Variants in EPB41 observed in about 807,000 individuals in gnomAD.
The protein encoded by EPB41 is protein 4.1.
A neutral mutation model predicts 108.0 loss-of-function variants in EPB41; 65 were observed. The ratio of observed to expected loss-of-function variants is 0.60; its 90% CI spans 0.49 to 0.74. EPB41 has a LOEUF of 0.74. Among genes scored for constraint, EPB41 ranks in the 30% least tolerant of loss-of-function variants. The probability of loss-of-function intolerance (pLI) is 0.00; values close to 1 mark genes in which losing one functional copy is unlikely to be tolerated. For synonymous variants in EPB41, 336 were observed against 358.9 expected, an observed-to-expected ratio of 0.94 and a Z score of 0.72; for missense variants, 875 against 1,037.0, an observed-to-expected ratio of 0.84 and a Z score of 2.15.
chr1:29,048,376 G>A (rs551774025), intron 11 of EPB41, among the ~76,000 whole-genome samples: 78 of 151,966 alleles, frequency 5.1e-4, no homozygotes, highest in African/African-American at 1.7e-3. Context: ...CACCACGCCC[G>A]GCTAATTTTG....
In EPB41 at chr1:29,069,460, T is replaced by C. The variant is rs184234527; in HGVS notation, c.2184+4302T>C. On this transcript the variant is annotated intron_variant, in intron 16 of 20. Transcript: ENST00000343067. The stretch of plus-strand genomic sequence containing the variant: ...GATGGTCATTATTATTTATTTGTTT[T>C]GGTGAACCTTGGAGGGACATTATAA... The C allele has an allele frequency of 9.9e-5, 121 of 1,217,520 alleles. No homozygotes were observed. The East Asian group carries it at 3.4e-3, about 34-fold the overall frequency. The allele number at this position is 1,217,520 out of a possible 1,614,324, so 75.4% of individuals were successfully genotyped here.
intron 17 of EPB41, among the ~76,000 whole-genome samples, chr1:29,104,913 G>C (rs371574085): frequency 6.6e-6 from 1 of 151,144 alleles, no homozygotes; most frequent in Non-Finnish European, 1.5e-5. Flanking sequence ...TTGTACACAC[G>C]GGACTCACTT....
At position 29,039,240 on chromosome 1, in the gene EPB41, G is replaced by A. The variant is rs1296017712; in HGVS notation, c.1464-14G>A. ...GAATATATAATAATATGACTATTACGATTTTCCCCCCAGATTGACATCTAC... is the reference window on the plus strand; with the variant it reads ...GAATATATAATAATATGACTATTACAATTTTCCCCCCAGATTGACATCTAC... On this transcript the variant is annotated splice_polypyrimidine_tract_variant and intron_variant, in intron 10 of 20. Transcript: ENST00000343067. 7 of 1,612,176 alleles carry A rather than the reference G, an allele frequency of 4.3e-6. No individual in the cohort carries two copies. Among genetic ancestry groups the A allele is most frequent in the African/African-American group, 2.7e-5 (2 of 74,778 alleles).
chr1:28,918,790 A>G (rs1192993858), intron 1 of EPB41, among the ~76,000 whole-genome samples: 1 of 152,196 alleles, frequency 6.6e-6, no homozygotes, highest in Non-Finnish European at 1.5e-5. Context: ...GCTTGATTGC[A>G]TTTATCATAG....
At chr1:29,067,664 TAA>T (rs11398608) in intron 16 of EPB41, among the ~76,000 whole-genome samples, 1 of 134,438 alleles carries the variant, frequency 7.4e-6, no homozygotes, top group Non-Finnish European at 1.6e-5. Context: ...GACTCCGTCT[TAA>T]AAAAAAAAAA....
intron 1 of EPB41, among the ~76,000 whole-genome samples, chr1:28,965,212 T>C (rs2095329032): frequency 6.6e-6 from 1 of 152,182 alleles, no homozygotes; most frequent in Non-Finnish European, 1.5e-5. Flanking sequence ...ACTTTAATTA[T>C]CATCTTCCTC....
intron 1 of EPB41, among the ~76,000 whole-genome samples, chr1:28,982,999 C>T (rs986623088): frequency 6.6e-6 from 1 of 151,828 alleles, no homozygotes; most frequent in Non-Finnish European, 1.5e-5. Context: ...AGGATTATGC[C>T]ATTGAGGACT....
Position 28,894,565 on chromosome 1 carries a change from G to T in EPB41, c.-8+7355G>T, listed in dbSNP as rs561876560. 1.8e-3 allele frequency among the ~76,000 whole-genome samples: 277 copies of T among 152,192 alleles called. 1 individual carries two copies. Among genetic ancestry groups the T allele is most frequent in the African/African-American group, 6.2e-3 (259 of 41,528 alleles). ...CCTGGCAACTGGACTTCCTGGAGAGGGAGTGACAGAGCCTCTAGTTTTCAT... is the reference window on the plus strand; with the variant it reads ...CCTGGCAACTGGACTTCCTGGAGAGTGAGTGACAGAGCCTCTAGTTTTCAT... On this transcript the variant is annotated intron_variant, in intron 1 of 16. Transcript: ENST00000347529.
rs144019135 is a variant in EPB41 at position 29,089,654 on chromosome 1, T to C, written c.2185-8153T>C. Among the ~76,000 whole-genome samples, 13 of 152,238 alleles carry C rather than the reference T, an allele frequency of 8.5e-5. No homozygotes were observed. The East Asian group carries it at 2.3e-3, about 27-fold the overall frequency. On this transcript the variant is annotated intron_variant, in intron 16 of 20. Coordinates refer to ENST00000343067, the MANE Select transcript of EPB41 (RefSeq NM_001376013.1). ...AAGATTTACAAAGGCACAGAGATAA[T>C]AGAAAGATGCTCTGTCCTAGGGAAT...
intron 10 of EPB41, among the ~76,000 whole-genome samples, chr1:29,037,224 G>A (rs1639824938): frequency 6.6e-6 from 1 of 152,142 alleles, no homozygotes; most frequent in African/African-American, 2.4e-5. Flanking sequence ...TGGGATTACA[G>A]ATGCCCAACA....
chr1:28,931,755 C>T (rs1174277636), intron 1 of EPB41, among the ~76,000 whole-genome samples: 1 of 151,766 alleles, frequency 6.6e-6, no homozygotes, highest in African/African-American at 2.4e-5. Flanking sequence ...AGGATGGTCT[C>T]GATCTCCTGA....
intron 1 of EPB41, among the ~76,000 whole-genome samples, chr1:28,943,130 G>A (rs766653415): frequency 7.2e-5 from 11 of 151,962 alleles, no homozygotes; most frequent in Admixed American, 5.2e-4. Context: ...CCAGGAGTGT[G>A]GGTTTCAACT....
chr1:28,913,911 G>C (rs1321300320), upstream of EPB41, among the ~76,000 whole-genome samples: 1 of 152,150 alleles, frequency 6.6e-6, no homozygotes, highest in Non-Finnish European at 1.5e-5. Flanking sequence ...ATTGCCAGGG[G>C]GGAATTAGGA....
rs765531643 is a variant in EPB41 at position 29,115,693 on chromosome 1, T to G, written c.2497-6T>G. On this transcript the variant is annotated splice_polypyrimidine_tract_variant and splice_region_variant and intron_variant, in intron 19 of 20. Transcript: ENST00000343067. This position sits in a 1 kb window ranked among gnomAD's most constrained non-coding sequence, Gnocchi z 4.4. ...GCCTCATTGCCCTTGTTTCTGTCTT[T>G]TGTAGGTCCTTGTACAAGCCATCAA... is the stretch of plus-strand genomic sequence containing the variant. 3.1e-6 allele frequency: 5 copies of G among 1,613,352 alleles called. No individual in the cohort carries two copies. The highest frequency in any genetic ancestry group is 4.2e-6 in the Non-Finnish European group (5 of 1,179,472).
chr1:28,981,571 A>G (rs922364742), intron 1 of EPB41, among the ~76,000 whole-genome samples: 6 of 152,172 alleles, frequency 3.9e-5, no homozygotes, highest in Admixed American at 1.3e-4. Context: ...TTAGTTTTTA[A>G]AAGTTTTTTC....
rs1237470929 is a variant in EPB41 at position 28,993,440 on chromosome 1, A to G, written c.579A>G (p.Ala193=). The G allele has an allele frequency of 1.2e-6, 2 of 1,614,110 alleles. No individual in the cohort carries two copies. The highest frequency in any genetic ancestry group is 8.5e-7 in the Non-Finnish European group (1 of 1,180,016). The part of the protein sequence containing the change: ...EVKEESPQSK[A]ETELKASQKP... ...AAGAAGAAAGCCCTCAATCAAAAGC[A>G]GAAACAGAATTAAAAGCTTCCCAAA... is the stretch of plus-strand genomic sequence containing the variant. The change falls in exon 3 of 21, where the codon GCA becomes GCG. Residue 193 remains alanine (A), a synonymous_variant. Coordinates refer to ENST00000343067, the MANE Select transcript of EPB41 (RefSeq NM_001376013.1).
intron 1 of EPB41, among the ~76,000 whole-genome samples, chr1:28,938,864 A>G (rs1267230412): frequency 6.6e-6 from 1 of 152,188 alleles, no homozygotes; most frequent in Non-Finnish European, 1.5e-5. Flanking sequence ...TGTTAGAACT[A>G]GTAGTTTTTT....
intron 1 of EPB41, among the ~76,000 whole-genome samples, chr1:28,985,287 AT>A (rs1216155595): frequency 6.6e-6 from 1 of 151,882 alleles, no homozygotes; most frequent in Non-Finnish European, 1.5e-5. Flanking sequence ...AATACCTATT[AT>A]GTGTCAGGTA....
At chr1:28,984,939 G>A (rs1012249435) in intron 1 of EPB41, among the ~76,000 whole-genome samples, 12 of 152,100 alleles carry the variant, frequency 7.9e-5, no homozygotes, top group South Asian at 4.1e-4. Flanking sequence ...GATTACAGGC[G>A]TGAGCCACCA....
Sources: gnomAD v4.1 joint callset for allele counts (sites outside exome capture counted in the v4.1 genomes callset) on GRCh38, gnomAD v4.1.1 for gene constraint, Gnocchi (gnomAD v3.1) non-coding constraint, MANE v1.5 for transcripts, NCBI Gene and HGNC (gene_info 2026-07-23, HGNC 2026-07-21) for gene names.